POU6F2: variants seen among roughly 807,000 people sequenced by gnomAD.
POU6F2 encodes POU class 6 homeobox 2.
Under a neutral mutation model 71.3 loss-of-function variants are expected in POU6F2, and 31 were observed. That is an observed-to-expected ratio of 0.43 (90% CI 0.33 to 0.59). The LOEUF (loss-of-function observed/expected upper bound fraction) is 0.59, where lower values mean the gene tolerates loss of function less well. Among genes scored for constraint, POU6F2 ranks in the 20% least tolerant of loss-of-function variants. POU6F2 has a pLI of 0.04. For missense variants in POU6F2, 783 were observed against 856.8 expected, an observed-to-expected ratio of 0.91 and a Z score of 1.07; for synonymous variants, 347 against 355.7, an observed-to-expected ratio of 0.98 and a Z score of 0.27.
chr7:39,281,449 C>T (rs1784561565), intron 4 of POU6F2, among the ~76,000 whole-genome samples: 1 of 151,942 alleles, frequency 6.6e-6, no homozygotes, highest in Non-Finnish European at 1.5e-5. Flanking sequence ...TCTCTTTATC[C>T]CTCCTCCTCC....
chr7:39,165,654 A>G (rs1271144150), intron 2 of POU6F2, among the ~76,000 whole-genome samples: 3 of 152,180 alleles, frequency 2.0e-5, no homozygotes, highest in African/African-American at 7.2e-5. Flanking sequence ...AGTTCAGTTT[A>G]TTTGACATAA....
At chr7:39,282,493 C>T (rs1438819035) in intron 4 of POU6F2, among the ~76,000 whole-genome samples, 1 of 152,106 alleles carries the variant, frequency 6.6e-6, no homozygotes, top group African/African-American at 2.4e-5. Context: ...TTTCATGTTT[C>T]TGCATGGCGA....
chr7:39,242,556 A>G (rs1030559128), intron 4 of POU6F2, among the ~76,000 whole-genome samples: 2 of 151,982 alleles, frequency 1.3e-5, no homozygotes, highest in Admixed American at 1.3e-4. Context: ...GGGGGGGGTC[A>G]TGATATGGTA....
intron 2 of POU6F2, among the ~76,000 whole-genome samples, chr7:39,153,263 G>C (rs1792797663): frequency 1.3e-5 from 2 of 152,044 alleles, no homozygotes; most frequent in Admixed American, 1.3e-4. Flanking sequence ...AATGATGGCA[G>C]TTTCTATTGC....
intron 4 of POU6F2, among the ~76,000 whole-genome samples, chr7:39,233,146 C>A (rs948389369): frequency 6.6e-6 from 1 of 152,108 alleles, no homozygotes; most frequent in Admixed American, 6.5e-5. Context: ...TTGTCTGGAA[C>A]CTCAGCCCAC....
intron 1 of POU6F2, among the ~76,000 whole-genome samples, chr7:39,024,247 A>G (rs1789746665): frequency 6.6e-6 from 1 of 151,788 alleles, no homozygotes; most frequent in Non-Finnish European, 1.5e-5. Flanking sequence ...ATTCCTAAGT[A>G]TTTTATTCTC....
intron 4 of POU6F2, among the ~76,000 whole-genome samples, chr7:39,270,454 T>A (rs1331860691): frequency 1.3e-5 from 2 of 152,244 alleles, no homozygotes; most frequent in African/African-American, 4.8e-5. Context: ...ATCATGCTTT[T>A]AACACATGCT....
At chr7:39,021,623 AT>A (rs1386437897) in intron 1 of POU6F2, among the ~76,000 whole-genome samples, 3 of 152,002 alleles carry the variant, frequency 2.0e-5, no homozygotes, top group Admixed American at 6.6e-5. Flanking sequence ...TCATTTTACT[AT>A]TTTTTTCCCA....
chr7:39,321,387 C>T (rs1207598068), intron 4 of POU6F2, among the ~76,000 whole-genome samples: 1 of 152,142 alleles, frequency 6.6e-6, no homozygotes, highest in African/African-American at 2.4e-5. Context: ...TTTCAGAAAG[C>T]AGAACAAATC....
In POU6F2 at chr7:39,148,832, G is replaced by T. The variant is rs552023005; in HGVS notation, c.278-55403G>T. Among the ~76,000 whole-genome samples, 22 of 152,312 alleles carry T rather than the reference G, an allele frequency of 1.4e-4. No individual in the cohort carries two copies. In the South Asian group the frequency reaches 4.1e-3, roughly 29 times the overall value. Reference sequence around the variant, plus strand: ...GAGATACTGCATTATCAAAATGGTTGTGGGAAACATTGAGTGGCAGGAGTT... The same window carrying T: ...GAGATACTGCATTATCAAAATGGTTTTGGGAAACATTGAGTGGCAGGAGTT... On this transcript the variant is annotated intron_variant, in intron 2 of 9. Coordinates refer to ENST00000518318, the MANE Select transcript of POU6F2 (RefSeq NM_001370959.1).
chr7:39,177,091 T>A (rs1368687467), intron 2 of POU6F2, among the ~76,000 whole-genome samples: 1 of 152,216 alleles, frequency 6.6e-6, no homozygotes, highest in Non-Finnish European at 1.5e-5. Context: ...CATTTTCTTA[T>A]AAAATAGTTT....
At chr7:39,373,415 C>G (rs1786651928) in intron 5 of POU6F2, 2 of 456,396 alleles carry the variant, frequency 4.4e-6, no homozygotes, top group Non-Finnish European at 8.8e-6. Context: ...CAAGAGCCAA[C>G]AGTCATGTTC....
intron 2 of POU6F2, among the ~76,000 whole-genome samples, chr7:39,157,361 T>C (rs1792892617): frequency 6.6e-6 from 1 of 151,480 alleles, no homozygotes; most frequent in Non-Finnish European, 1.5e-5. Context: ...ATCTGTCATC[T>C]TTTTTTTTAA....
chr7:39,250,037 A>C (rs1783886908), intron 4 of POU6F2, among the ~76,000 whole-genome samples: 1 of 152,220 alleles, frequency 6.6e-6, no homozygotes, highest in South Asian at 2.1e-4. Context: ...GAAGGACAAA[A>C]GCTGGATCGA....
In POU6F2 at chr7:39,202,644, A is replaced by G. The variant is rs370838047; in HGVS notation, c.278-1591A>G. On this transcript the variant is annotated intron_variant, in intron 2 of 9. Transcript: ENST00000518318. ...TTGCAAGGTTTGCACTGCACAAGCC[A>G]TCTCCCAGCTTCAAATGCCGTGCTT... Among the ~76,000 whole-genome samples, 50 of 152,334 alleles carry G rather than the reference A, an allele frequency of 3.3e-4. No homozygotes were observed. In the East Asian group the frequency reaches 7.9e-3, roughly 24 times the overall value.
At chr7:39,251,041 G>C (rs781400844) in intron 4 of POU6F2, among the ~76,000 whole-genome samples, 1 of 152,200 alleles carries the variant, frequency 6.6e-6, no homozygotes, top group Non-Finnish European at 1.5e-5. Context: ...AACTTCTGCA[G>C]CATCTAATTA....
intron 5 of POU6F2, among the ~76,000 whole-genome samples, chr7:39,376,655 C>T (rs1323887110): frequency 6.6e-6 from 1 of 152,174 alleles, no homozygotes; most frequent in Non-Finnish European, 1.5e-5. Flanking sequence ...AGATGATCTC[C>T]AGGGACTCCT....
rs528153835 is a variant in POU6F2 at position 39,024,540 on chromosome 7, A to T, written c.105+46482A>T. ...TGCCCTGGCCAGAACTTCCAACTCT[A>T]TGTCGAATAGGAGTGGTGAGAGAGG... On this transcript the variant is annotated intron_variant, in intron 1 of 9. Transcript: ENST00000518318. Among the ~76,000 whole-genome samples the T allele has an allele frequency of 7.9e-5, 12 of 152,026 alleles. No individual in the cohort carries two copies. In the South Asian group the frequency reaches 2.3e-3, roughly 29 times the overall value.
At chr7:39,320,485 C>T (rs1785364673) in intron 4 of POU6F2, among the ~76,000 whole-genome samples, 1 of 152,096 alleles carries the variant, frequency 6.6e-6, no homozygotes, top group South Asian at 2.1e-4. Context: ...TTATCAGATT[C>T]TCAAAGGGGT....
Sources: gnomAD v4.1 joint callset for allele counts (sites outside exome capture counted in the v4.1 genomes callset) on GRCh38, gnomAD v4.1.1 for gene constraint, MANE v1.5 for transcripts, NCBI Gene and HGNC (gene_info 2026-07-23, HGNC 2026-07-21) for gene names.